Variants in AUH observed in about 807,000 individuals in gnomAD.
The protein encoded by AUH is methylglutaconyl-CoA hydratase, mitochondrial.
Under a neutral mutation model 42.3 loss-of-function variants are expected in AUH, and 29 were observed. That is an observed-to-expected ratio of 0.69 (90% confidence interval 0.51 to 0.93). The LOEUF (loss-of-function observed/expected upper bound fraction) is 0.93, where lower values mean the gene tolerates loss of function less well. Among genes scored for constraint, AUH ranks in the 40% least tolerant of loss-of-function variants. The pLI is 0.00. For synonymous variants in AUH, 174 were observed against 166.4 expected, an observed-to-expected ratio of 1.05 and a Z score of -0.35; for missense variants, 452 against 438.1, an observed-to-expected ratio of 1.03 and a Z score of -0.28.
chr9:91,273,295 C>T (rs1290764451), intron 6 of AUH, among the ~76,000 whole-genome samples: 2 of 152,150 alleles, frequency 1.3e-5, no homozygotes, highest in East Asian at 3.8e-4. Context: ...CACATGCACA[C>T]AAAAAGGTTC....
In AUH at chr9:91,278,014, G is replaced by A. The variant is rs376214866; in HGVS notation, c.655+18007C>T. ...GGGTGCTCAAGGTTTCCCCACTGGAGGAGGCATCGTAGAGGCAGCAGGTGA... is the reference window on the plus strand; with the variant it reads ...GGGTGCTCAAGGTTTCCCCACTGGAAGAGGCATCGTAGAGGCAGCAGGTGA... On this transcript the variant is annotated intron_variant, in intron 6 of 9. Transcript: ENST00000375731. Among the ~76,000 whole-genome samples, 4 of 152,300 alleles carry A rather than the reference G, an allele frequency of 2.6e-5. No homozygotes were observed. The East Asian group carries it at 5.8e-4, about 22-fold the overall frequency.
At chr9:91,358,409 C>T (rs1385863583) in intron 1 of AUH, among the ~76,000 whole-genome samples, 1 of 152,144 alleles carries the variant, frequency 6.6e-6, no homozygotes, top group African/African-American at 2.4e-5. Context: ...CCCAGTCTGC[C>T]GCTTACTAGC....
chr9:91,256,340 G>A (rs1438300292), intron 6 of AUH, among the ~76,000 whole-genome samples: 1 of 152,098 alleles, frequency 6.6e-6, no homozygotes, highest in Non-Finnish European at 1.5e-5. Flanking sequence ...TCTGGAGACT[G>A]AGATCCAACC....
chr9:91,298,204 T>C, intron 4 of AUH, 128 bp from the exon 5 acceptor site: 1 of 706,444 alleles, frequency 1.4e-6, no homozygotes, highest in Non-Finnish European at 2.5e-6. Flanking sequence ...TGTATCCCTT[T>C]TACCTTTAAC....
At chr9:91,244,455 A>T (rs1828687827) in intron 6 of AUH, among the ~76,000 whole-genome samples, 1 of 152,248 alleles carries the variant, frequency 6.6e-6, no homozygotes, top group African/African-American at 2.4e-5. Context: ...TTAAGCTGCA[A>T]GTTTAATAAA....
rs145084108 is a variant in AUH, at chr9:91,332,065, T to A, written c.419-6661A>T. On this transcript the variant is annotated intron_variant, in intron 3 of 9. Transcript: ENST00000375731. ...ATGCTGACATTTGAAATTTTTCATCTAAGTTTAAGTAGTTTGAAAGATTTC... is the reference window on the plus strand; with the variant it reads ...ATGCTGACATTTGAAATTTTTCATCAAAGTTTAAGTAGTTTGAAAGATTTC... Among the ~76,000 whole-genome samples, 11 of 152,356 alleles carry A rather than the reference T, an allele frequency of 7.2e-5. No individual in the cohort carries two copies. In the East Asian group the frequency reaches 2.1e-3, roughly 29 times the overall value.
intron 4 of AUH, among the ~76,000 whole-genome samples, chr9:91,308,760 A>C (rs1272901039): frequency 6.6e-6 from 1 of 152,104 alleles, no homozygotes; most frequent in African/African-American, 2.4e-5. Flanking sequence ...AAAATTCTGC[A>C]AACTTTGAAA....
At chr9:91,331,262 G>A (rs188465862) in intron 3 of AUH, among the ~76,000 whole-genome samples, 50 of 152,310 alleles carry the variant, frequency 3.3e-4, no homozygotes, top group African/African-American at 1.2e-3. Flanking sequence ...GGGTATTAAA[G>A]GTGGTGACCA....
chr9:91,354,793 T>A (rs1182947723), intron 3 of AUH, among the ~76,000 whole-genome samples: 1 of 152,168 alleles, frequency 6.6e-6, no homozygotes, highest in African/African-American at 2.4e-5. Context: ...AGCCATCCAA[T>A]GACCTTTAGA....
At chr9:91,351,711 T>C (rs905602076) in intron 3 of AUH, among the ~76,000 whole-genome samples, 3 of 152,140 alleles carry the variant, frequency 2.0e-5, no homozygotes, top group South Asian at 2.1e-4. Context: ...TAGATTCTCA[T>C]AGGAGCACAA....
intron 6 of AUH, among the ~76,000 whole-genome samples, chr9:91,258,236 T>C (rs1444260472): frequency 6.6e-6 from 1 of 152,234 alleles, no homozygotes; most frequent in Non-Finnish European, 1.5e-5. Flanking sequence ...ATTTTTCTTT[T>C]TTCTTTTTGA....
At chr9:91,356,358 G>C (rs1329837361) in intron 1 of AUH, among the ~76,000 whole-genome samples, 1 of 152,120 alleles carries the variant, frequency 6.6e-6, no homozygotes, top group Admixed American at 6.5e-5. Context: ...TCAAACTAGA[G>C]GGAAGACTAG....
intron 1 of AUH, among the ~76,000 whole-genome samples, chr9:91,356,874 A>C (rs189994938): frequency 6.6e-6 from 1 of 152,352 alleles, no homozygotes; most frequent in East Asian, 1.9e-4. Context: ...AAAGTTCTAC[A>C]CAACCTCTAC....
intron 6 of AUH, among the ~76,000 whole-genome samples, chr9:91,277,996 C>T (rs1825677899): frequency 6.6e-6 from 1 of 152,080 alleles, no homozygotes; most frequent in Admixed American, 6.5e-5. Flanking sequence ...GTAGGGTGCT[C>T]AAGGTTTCCC....
intron 4 of AUH, among the ~76,000 whole-genome samples, chr9:91,303,161 T>TGTAGGC (rs1190414327): frequency 1.8e-4 from 27 of 152,226 alleles, no homozygotes; most frequent in African/African-American, 6.0e-4. Context: ...TTCAGTAGTC[T>TGTAGGC]GTAGGACCTG....
intron 3 of AUH, among the ~76,000 whole-genome samples, chr9:91,349,287 C>G (rs896187236): frequency 2.0e-5 from 3 of 152,086 alleles, no homozygotes; most frequent in Non-Finnish European, 2.9e-5. Context: ...TTTATAAAAC[C>G]CACACTGGTG....
chr9:91,222,842 T>C (rs535094928), intron 6 of AUH, among the ~76,000 whole-genome samples: 1 of 152,366 alleles, frequency 6.6e-6, no homozygotes, highest in East Asian at 1.9e-4. Context: ...AAAAGTTTAA[T>C]GTAGACTGGT....
At chr9:91,221,032 C>A (rs1827106698) in intron 6 of AUH, 40 bp from the exon 7 acceptor site, 2 of 1,603,964 alleles carry the variant, frequency 1.2e-6, no homozygotes, top group East Asian at 2.2e-5. Flanking sequence ...TGATTTGACA[C>A]CTGTTAGTTT....
intron 6 of AUH, among the ~76,000 whole-genome samples, chr9:91,238,923 TC>T (rs1021380970): frequency 3.3e-5 from 5 of 152,208 alleles, no homozygotes; most frequent in Non-Finnish European, 7.3e-5. Flanking sequence ...GAGACTACTC[TC>T]CCCTTTCCTC....
Sources: allele counts gnomAD v4.1 joint callset (sites outside exome capture counted in the v4.1 genomes callset), GRCh38; gene constraint gnomAD v4.1.1; transcripts MANE v1.5; gene names NCBI Gene and HGNC (gene_info 2026-07-23, HGNC 2026-07-21).